KLHL29: variants seen among roughly 807,000 people sequenced by gnomAD.
KLHL29 encodes kelch-like protein 29.
A neutral mutation model predicts 80.4 loss-of-function variants in KLHL29; 21 were observed. That is an observed-to-expected ratio of 0.26 (90% confidence interval 0.19 to 0.38). KLHL29 has a LOEUF of 0.38. KLHL29 is among the 10% of genes least tolerant of loss of function. The pLI is 1.00. For missense variants in KLHL29, 867 were observed against 1,223.9 expected (o/e 0.71, Z 4.35); for synonymous variants, 511 against 526.8 (o/e 0.97, Z 0.41).
chr2:23,403,658 G>A (rs1421968269), intron 1 of KLHL29, among the ~76,000 whole-genome samples: 4 of 151,262 alleles, frequency 2.6e-5, no homozygotes, highest in African/African-American at 7.3e-5. Context: ...TAATAATGAT[G>A]ATGAAAACAA....
At chr2:23,518,613 G>A (rs761687229) in intron 2 of KLHL29, among the ~76,000 whole-genome samples, 43 of 152,232 alleles carry the variant, frequency 2.8e-4, no homozygotes, top group Admixed American at 9.2e-4. Flanking sequence ...TGGTGTGGGC[G>A]CTGTAGCACT....
rs1665500817 is a variant in KLHL29 at position 23,503,100 on chromosome 2, C to A, written c.-46+27433C>A. ...TTTGTTTGAATGTCGTAGTTGTGCC[C>A]TTTGTAAAATTACCCCAGGGCATGA... is the stretch of plus-strand genomic sequence containing the variant. On this transcript the variant is annotated intron_variant, in intron 2 of 13. Coordinates refer to ENST00000486442, the MANE Select transcript of KLHL29 (RefSeq NM_052920.2). The surrounding 1 kb of genome is among the most constrained non-coding windows in gnomAD (Gnocchi z 4.0). Among the ~76,000 whole-genome samples, 1 of 152,194 alleles carries A rather than the reference C, an allele frequency of 6.6e-6. No homozygotes were observed. Among genetic ancestry groups the A allele is most frequent in the Non-Finnish European group, 1.5e-5 (1 of 68,046 alleles).
At chr2:23,485,766 A>G (rs1371169215) in intron 2 of KLHL29, among the ~76,000 whole-genome samples, 1 of 152,222 alleles carries the variant, frequency 6.6e-6, no homozygotes, top group Non-Finnish European at 1.5e-5. Context: ...CCAGCTGTGC[A>G]ACCTCTGGGC....
At chr2:23,409,259 G>A (rs1666804875) in intron 1 of KLHL29, among the ~76,000 whole-genome samples, 2 of 152,122 alleles carry the variant, frequency 1.3e-5, no homozygotes, top group African/African-American at 4.8e-5. Context: ...TAATATCTAG[G>A]CACTTCACTC....
intron 3 of KLHL29, among the ~76,000 whole-genome samples, chr2:23,581,545 G>A (rs998313274): frequency 2.0e-5 from 3 of 152,126 alleles, no homozygotes; most frequent in Admixed American, 6.5e-5. Context: ...AAACTTTTAG[G>A]CTGGAGGCAG....
At chr2:23,431,471 G>A (rs905814154) in intron 1 of KLHL29, among the ~76,000 whole-genome samples, 3 of 152,232 alleles carry the variant, frequency 2.0e-5, no homozygotes, top group Non-Finnish European at 4.4e-5. Flanking sequence ...CTCCCGTTCC[G>A]GGACTCCCTT....
intron 3 of KLHL29, among the ~76,000 whole-genome samples, chr2:23,594,925 G>T (rs1455649254): frequency 6.6e-6 from 1 of 152,120 alleles, no homozygotes; most frequent in Non-Finnish European, 1.5e-5. Flanking sequence ...TTATTTTAGT[G>T]TTCCTCCTAC....
At chr2:23,683,653 G>A (rs972605366) in intron 5 of KLHL29, among the ~76,000 whole-genome samples, 15 of 152,174 alleles carry the variant, frequency 9.9e-5, no homozygotes, top group African/African-American at 3.1e-4. Flanking sequence ...GGGAGCCTCC[G>A]AGGCCACTTC....
chr2:23,461,497 G>A lies in KLHL29; in HGVS notation c.-153-14063G>A, dbSNP rs1057437936. Among the ~76,000 whole-genome samples, 6 of 152,142 alleles carry A rather than the reference G, an allele frequency of 3.9e-5. 1 individual carries two copies. The highest frequency in any genetic ancestry group is 2.6e-4 in the Admixed American group (4 of 15,282). The stretch of plus-strand genomic sequence containing the variant: ...CACTTCTTGTTGATTAGGAGTTCTC[G>A]CGTAGCTGTTAATTTTTCTAGGTGC... On this transcript the variant is annotated intron_variant, in intron 1 of 13. Coordinates refer to ENST00000486442, the MANE Select transcript of KLHL29 (RefSeq NM_052920.2).
intron 2 of KLHL29, among the ~76,000 whole-genome samples, chr2:23,506,806 T>TGAACA (rs1665612200): frequency 6.6e-6 from 1 of 152,276 alleles, no homozygotes; most frequent in Non-Finnish European, 1.5e-5. Flanking sequence ...AGTGCAAACC[T>TGAACA]GAACAGCCTG....
intron 3 of KLHL29, among the ~76,000 whole-genome samples, chr2:23,577,065 C>G (rs1211532668): frequency 6.6e-6 from 1 of 152,194 alleles, no homozygotes; most frequent in East Asian, 1.9e-4. Context: ...CCTCAAGGCC[C>G]CAGGATGGAA....
At chr2:23,502,392 C>T (rs539056289) in intron 2 of KLHL29, among the ~76,000 whole-genome samples, 30 of 152,364 alleles carry the variant, frequency 2.0e-4, no homozygotes, top group African/African-American at 7.2e-4. Context: ...AGCTCGGAGG[C>T]TCACTAGTGG....
intron 1 of KLHL29, among the ~76,000 whole-genome samples, chr2:23,411,379 T>TTGTGTGTGTGTGTGTGTGTGTGTGTG: frequency 9.2e-6 from 1 of 109,026 alleles, no homozygotes; most frequent in African/African-American, 3.8e-5. Context: ...GTTGCAAAAA[T>TTGTGTGTGTGTGTGTGTGTGTGTGTG]TGTGTGTGTG....
At chr2:23,471,618 C>T (rs976118584) in intron 1 of KLHL29, among the ~76,000 whole-genome samples, 10 of 152,268 alleles carry the variant, frequency 6.6e-5, no homozygotes, top group African/African-American at 2.4e-4. Flanking sequence ...GACTGACTAC[C>T]TACTGTATTT....
chr2:23,597,343 G>GTGTGTGTGTGTA (rs1558402719), intron 3 of KLHL29, among the ~76,000 whole-genome samples: 1 of 134,414 alleles, frequency 7.4e-6, no homozygotes, highest in Non-Finnish European at 1.5e-5. Flanking sequence ...GTGTGTGTGT[G>GTGTGTGTGTGTA]TGTATGTATA....
At chr2:23,606,967 G>A (rs558408325) in intron 3 of KLHL29, among the ~76,000 whole-genome samples, 8 of 152,332 alleles carry the variant, frequency 5.3e-5, no homozygotes, top group African/African-American at 1.9e-4. Context: ...GTTGGGCCTG[G>A]CTCATGGACA....
intron 2 of KLHL29, among the ~76,000 whole-genome samples, chr2:23,541,669 ATT>A (rs1206338459): frequency 6.6e-6 from 1 of 151,528 alleles, no homozygotes; most frequent in African/African-American, 2.4e-5. Flanking sequence ...CCCTTCCCAG[ATT>A]GCTGGTCTCG....
intron 1 of KLHL29, among the ~76,000 whole-genome samples, chr2:23,456,650 G>A (rs189466771): frequency 2.3e-3 from 353 of 152,356 alleles, no homozygotes; most frequent in African/African-American, 8.1e-3. Context: ...CTCGCATTGC[G>A]TTTTCTGTTC....
At chr2:23,401,861 C>G (rs1387401178) in intron 1 of KLHL29, among the ~76,000 whole-genome samples, 1 of 152,260 alleles carries the variant, frequency 6.6e-6, no homozygotes, top group Non-Finnish European at 1.5e-5. Flanking sequence ...GCAGTCCCCA[C>G]ATCTCTGAGG....
Sources: gnomAD v4.1 joint callset for allele counts (sites outside exome capture counted in the v4.1 genomes callset) on GRCh38, gnomAD v4.1.1 for gene constraint, Gnocchi (gnomAD v3.1) non-coding constraint, MANE v1.5 for transcripts, NCBI Gene and HGNC (gene_info 2026-07-23, HGNC 2026-07-21) for gene names.